Variants in CAST observed in about 807,000 individuals in gnomAD.
The protein encoded by CAST is calpastatin.
Under a neutral mutation model 119.6 loss-of-function variants are expected in CAST, and 76 were observed. The ratio of observed to expected loss-of-function variants is 0.64; its 90% CI spans 0.53 to 0.77. The LOEUF (loss-of-function observed/expected upper bound fraction) is 0.77, where lower values mean the gene tolerates loss of function less well. CAST is among the 30% of genes least tolerant of loss of function. The pLI is 0.00. For synonymous variants in CAST, 319 were observed against 331.6 expected (o/e 0.96, Z 0.41); for missense variants, 953 against 946.5 (o/e 1.01, Z -0.09).
chr5:96,140,968 A>G, the CAST span, among the ~76,000 whole-genome samples: 3 of 152,170 alleles, frequency 2.0e-5, no homozygotes, highest in Admixed American at 2.0e-4. Flanking sequence ...TACCTTATTC[A>G]TAGCTGGATC....
the CAST span, among the ~76,000 whole-genome samples, chr5:96,474,382 A>G: frequency 1.4e-4 from 19 of 140,724 alleles, no homozygotes; most frequent in Non-Finnish European, 2.4e-4. Flanking sequence ...CATCCACAGA[A>G]GCTTGTATCA....
chr5:96,523,210 G>A (rs1158292601), upstream of CAST, among the ~76,000 whole-genome samples: 2 of 152,170 alleles, frequency 1.3e-5, no homozygotes, highest in African/African-American at 4.8e-5. Context: ...GTGCTGCCTG[G>A]TGTGCCCACA....
the CAST span, chr5:96,425,872 T>C: frequency 6.2e-7 from 1 of 1,612,742 alleles, no homozygotes; most frequent in Non-Finnish European, 8.5e-7. Context: ...TAGTGCTGAG[T>C]CCCTTAGAGC....
intron 3 of CAST, among the ~76,000 whole-genome samples, chr5:96,707,322 G>A (rs1195414434): frequency 6.6e-6 from 1 of 151,436 alleles, no homozygotes; most frequent in South Asian, 2.1e-4. Context: ...TTTATTTGAG[G>A]AAGATATTTT....
chr5:96,774,442 T>C lies in CAST; in HGVS notation c.*1826T>C, dbSNP rs1388732039. On this transcript the variant is annotated 3_prime_UTR_variant, in exon 32 of 32. Transcript: ENST00000675179. ...CTACAGGATCTAAAGCAGCCCTTTTTACAGTCTAGTTAGGAGAGAGAAAAT... is the reference window on the plus strand; with the variant it reads ...CTACAGGATCTAAAGCAGCCCTTTTCACAGTCTAGTTAGGAGAGAGAAAAT... 8.8e-6 allele frequency: 8 copies of C among 911,814 alleles called. No individual in the cohort carries two copies. The highest frequency in any genetic ancestry group is 1.8e-5 in the African/African-American group (1 of 55,868). The allele number at this position is 911,814 out of a possible 1,614,324, so 56.5% of individuals were successfully genotyped here. A position where few individuals can be genotyped will look rare whatever the true frequency, so the allele number is the denominator to read the frequency against.
chr5:96,709,221 G>T (rs1755617069), intron 3 of CAST, among the ~76,000 whole-genome samples: 2 of 152,242 alleles, frequency 1.3e-5, no homozygotes, highest in African/African-American at 4.8e-5. Flanking sequence ...TTCTGGACAG[G>T]TGGGCAGTTG....
chr5:96,038,838 G>C, the CAST span, among the ~76,000 whole-genome samples: 2 of 152,128 alleles, frequency 1.3e-5, no homozygotes, highest in Admixed American at 6.6e-5. Flanking sequence ...ACATAAGTGT[G>C]CACATGTCTT....
the CAST span, among the ~76,000 whole-genome samples, chr5:96,394,206 C>T: frequency 6.6e-6 from 1 of 152,190 alleles, no homozygotes; most frequent in East Asian, 1.9e-4. Flanking sequence ...ACCTGAGGCA[C>T]TGTGCTAGAT....
intron 2 of CAST, among the ~76,000 whole-genome samples, chr5:96,688,973 G>A (rs1202968025): frequency 2.0e-5 from 3 of 151,596 alleles, no homozygotes; most frequent in Non-Finnish European, 4.4e-5. Context: ...TGCTGTGTGT[G>A]TGTATATGAG....
the CAST span, among the ~76,000 whole-genome samples, chr5:96,121,309 C>G: frequency 6.6e-6 from 1 of 152,180 alleles, no homozygotes; most frequent in African/African-American, 2.4e-5. Flanking sequence ...GTGTATGGCA[C>G]AGAATAGGCA....
At chr5:96,403,416 C>T in the CAST span, among the ~76,000 whole-genome samples, 19 of 152,294 alleles carry the variant, frequency 1.2e-4, no homozygotes, top group African/African-American at 2.9e-4. Context: ...CCTCTCCACT[C>T]ACCCCACCCC....
the CAST span, among the ~76,000 whole-genome samples, chr5:96,127,135 G>A: frequency 1.3e-4 from 20 of 152,214 alleles, no homozygotes; most frequent in Non-Finnish European, 2.4e-4. Flanking sequence ...AGATCAAGGT[G>A]AGCGTAATAT....
intron 3 of CAST, among the ~76,000 whole-genome samples, chr5:96,699,095 G>A (rs189701686): frequency 5.1e-4 from 77 of 152,284 alleles, no homozygotes; most frequent in Non-Finnish European, 6.8e-4. Context: ...AAAATATTTA[G>A]TTCTTAAAAT....
intron 1 of CAST, among the ~76,000 whole-genome samples, chr5:96,538,323 G>A (rs2611738): frequency 0.34 from 51,816 of 151,808 alleles, 9,072 homozygotes; most frequent in Middle Eastern, 0.42. Flanking sequence ...ATGAAACTAC[G>A]TAGCAATATG....
chr5:96,084,447 A>G, the CAST span, among the ~76,000 whole-genome samples: 3 of 152,226 alleles, frequency 2.0e-5, no homozygotes, highest in African/African-American at 7.2e-5. Context: ...AGCCTGGGGA[A>G]TAGATTGGAG....
chr5:96,617,521 G>A (rs963937170), intron 1 of CAST, among the ~76,000 whole-genome samples: 3 of 152,012 alleles, frequency 2.0e-5, no homozygotes, highest in Middle Eastern at 3.2e-3. Context: ...CGGGCACGGT[G>A]GCTCATGCCT....
the CAST span, among the ~76,000 whole-genome samples, chr5:96,234,145 C>T: frequency 2.6e-5 from 4 of 152,146 alleles, no homozygotes; most frequent in East Asian, 1.9e-4. Flanking sequence ...CTTCCACTGG[C>T]TAACTGTAGC....
intron 1 of CAST, among the ~76,000 whole-genome samples, chr5:96,629,653 A>G (rs1352884920): frequency 6.6e-6 from 1 of 152,192 alleles, no homozygotes; most frequent in African/African-American, 2.4e-5. Flanking sequence ...ATCAAACTGT[A>G]ACTTATATCT....
chr5:96,748,396 G>T, intron 18 of CAST, 122 bp from the exon 19 acceptor site: 1 of 454,412 alleles, frequency 2.2e-6, no homozygotes. Context: ...TTATAAATTA[G>T]CTTTGGGTGT....
Sources: allele counts gnomAD v4.1 joint callset (sites outside exome capture counted in the v4.1 genomes callset), GRCh38; gene constraint gnomAD v4.1.1; transcripts MANE v1.5; gene names NCBI Gene and HGNC (gene_info 2026-07-23, HGNC 2026-07-21).